KCNJ3: variants seen among roughly 807,000 people sequenced by gnomAD.
KCNJ3 encodes the protein G protein-activated inward rectifier potassium channel 1.
A neutral mutation model predicts 39.2 loss-of-function variants in KCNJ3; 4 were observed. That is an observed-to-expected ratio of 0.10 (90% CI 0.05 to 0.23). KCNJ3 has a LOEUF of 0.23. Among genes scored for constraint, KCNJ3 ranks in the 10% least tolerant of loss-of-function variants. The pLI is 1.00. For synonymous variants in KCNJ3, 230 were observed against 237.4 expected (o/e 0.97, Z 0.29); for missense variants, 276 against 634.9 (o/e 0.43, Z 6.08).
chr2:154,853,546 G>A (rs1012739336), intron 2 of KCNJ3, among the ~76,000 whole-genome samples: 3 of 151,812 alleles, frequency 2.0e-5, no homozygotes, highest in African/African-American at 7.3e-5. Flanking sequence ...TTGAGGGGAT[G>A]GTTTTTAAAA....
intron 2 of KCNJ3, among the ~76,000 whole-genome samples, chr2:154,836,838 T>C (rs1041622380): frequency 6.6e-6 from 1 of 152,182 alleles, no homozygotes; most frequent in Non-Finnish European, 1.5e-5. Context: ...GTTTTAAGCC[T>C]GCAAGCAAAC....
intron 2 of KCNJ3, among the ~76,000 whole-genome samples, chr2:154,754,045 A>G (rs1449040307): frequency 6.6e-6 from 1 of 152,116 alleles, no homozygotes; most frequent in African/African-American, 2.4e-5. Flanking sequence ...CTATTTTTTA[A>G]TAACCTTTTT....
At chr2:154,808,216 G>A (rs1686948085) in intron 2 of KCNJ3, among the ~76,000 whole-genome samples, 1 of 151,760 alleles carries the variant, frequency 6.6e-6, no homozygotes, top group Admixed American at 6.6e-5. Flanking sequence ...TAAGTAGCTG[G>A]GACTACAGGC....
rs747257257 is a variant in KCNJ3 at position 154,699,369 on chromosome 2, G to A, written c.594G>A (p.Glu198=). The A allele has an allele frequency of 6.2e-7, 1 of 1,611,950 alleles. No individual in the cohort carries two copies. Among genetic ancestry groups the A allele is most frequent in the Non-Finnish European group, 8.5e-7 (1 of 1,180,018 alleles). Residue 198 remains glutamate, a synonymous_variant, in exon 1 of 3, where the codon GAG becomes GAA. Transcript: ENST00000295101. This position sits in a 1 kb window ranked among gnomAD's most constrained non-coding sequence, Gnocchi z 6.4. The part of the protein sequence containing the change: ...KKRAETLMFS[E]HAVISMRDGK... ...GCGCCGAGACCCTCATGTTCAGCGA[G>A]CACGCGGTGATCTCCATGAGGGACG...
At chr2:154,744,293 G>C (rs1443790178) in intron 2 of KCNJ3, among the ~76,000 whole-genome samples, 1 of 151,642 alleles carries the variant, frequency 6.6e-6, no homozygotes, top group East Asian at 1.9e-4. Context: ...ATATTGAGGT[G>C]TGGTTTTCTT....
At chr2:154,849,318 TTTTTGTTTTG>T (rs564869541) in intron 2 of KCNJ3, among the ~76,000 whole-genome samples, 479 of 152,204 alleles carry the variant, frequency 3.1e-3, no homozygotes, top group Admixed American at 5.2e-3. Context: ...GCTCTTCTGT[TTTTTGTTTTG>T]TTTTGTTTTG....
At chr2:154,802,662 A>G (rs1686840062) in intron 2 of KCNJ3, among the ~76,000 whole-genome samples, 1 of 152,156 alleles carries the variant, frequency 6.6e-6, no homozygotes, top group African/African-American at 2.4e-5. Context: ...CATATACATA[A>G]TAACTCATGG....
intron 2 of KCNJ3, among the ~76,000 whole-genome samples, chr2:154,843,610 A>G (rs552260454): frequency 6.6e-6 from 1 of 151,998 alleles, no homozygotes; most frequent in Non-Finnish European, 1.5e-5. Flanking sequence ...ACATAATCCC[A>G]TATTTCTTGG....
intron 2 of KCNJ3, among the ~76,000 whole-genome samples, chr2:154,807,370 T>C (rs1226402299): frequency 6.6e-6 from 1 of 152,136 alleles, no homozygotes; most frequent in Non-Finnish European, 1.5e-5. Flanking sequence ...GGGAAAATGT[T>C]AATTACAATA....
At chr2:154,829,458 C>T (rs959089904) in intron 2 of KCNJ3, among the ~76,000 whole-genome samples, 1 of 152,090 alleles carries the variant, frequency 6.6e-6, no homozygotes, top group African/African-American at 2.4e-5. Flanking sequence ...AAGAACACGA[C>T]CTTGTTCTTT....
intron 2 of KCNJ3, among the ~76,000 whole-genome samples, chr2:154,849,528 G>A (rs1687719824): frequency 6.6e-6 from 1 of 151,660 alleles, no homozygotes; most frequent in Admixed American, 6.6e-5. Context: ...ATCTATATTG[G>A]GTAAGGTTTA....
chr2:154,718,151 A>G (rs922609109), intron 2 of KCNJ3, among the ~76,000 whole-genome samples: 3 of 152,264 alleles, frequency 2.0e-5, no homozygotes, highest in Middle Eastern at 3.4e-3. Flanking sequence ...GGACATCTCA[A>G]AGTAGGTTCT....
intron 1 of KCNJ3, 79 bp from the exon 2 acceptor site, chr2:154,709,524 G>C: frequency 1.5e-6 from 2 of 1,376,812 alleles, no homozygotes; most frequent in Non-Finnish European, 2.0e-6. Flanking sequence ...TGTTGGCAAT[G>C]ATGTAAATTA....
At chr2:154,721,125 A>G (rs1477712151) in intron 2 of KCNJ3, among the ~76,000 whole-genome samples, 1 of 151,798 alleles carries the variant, frequency 6.6e-6, no homozygotes, top group Non-Finnish European at 1.5e-5. Flanking sequence ...TTAAACTCAT[A>G]TGATTTATTC....
chr2:154,709,579 C>T, intron 1 of KCNJ3, 24 bp from the exon 2 acceptor site: 1 of 1,603,744 alleles, frequency 6.2e-7, no homozygotes, highest in Non-Finnish European at 8.5e-7. Flanking sequence ...GTGATTTCTT[C>T]TCTTTTTCTG....
At chr2:154,735,102 T>TGTGTGTGTGTGTGTGTGTGTGTGTGTGTG (rs746877275) in intron 2 of KCNJ3, among the ~76,000 whole-genome samples, 3 of 151,774 alleles carry the variant, frequency 2.0e-5, no homozygotes, top group African/African-American at 7.3e-5. Flanking sequence ...TGTGTGTGTG[T>TGTGTGTGTGTGTGTGTGTGTGTGTGTGTG]TTGAGACGGA....
rs370581540 is a variant in KCNJ3 at position 154,698,815 on chromosome 2, G to A, written c.40G>A (p.Val14Ile). The A allele has an allele frequency of 3.7e-5, 60 of 1,613,946 alleles. No individual in the cohort carries two copies. The highest frequency in any genetic ancestry group is 1.6e-4 in the Middle Eastern group (1 of 6,082). The stretch of plus-strand genomic sequence containing the variant: ...AAGGAAATTTGGGGACGATTATCAG[G>A]TAGTGACCACATCGTCCAGCGGCTC... ...LRRKFGDDYQ[V>I]VTTSSSGSGL... Residue 14 changes from valine to isoleucine, a missense_variant, in exon 1 of 3, where the codon GTA (valine) becomes ATA (isoleucine). Val to Ile is a conservative substitution (Grantham distance 29). Coordinates refer to ENST00000295101, the MANE Select transcript of KCNJ3 (RefSeq NM_002239.4).
At chr2:154,848,108 A>G (rs1040526198) in intron 2 of KCNJ3, among the ~76,000 whole-genome samples, 6 of 152,202 alleles carry the variant, frequency 3.9e-5, no homozygotes, top group Admixed American at 1.3e-4. Flanking sequence ...ACACATATAC[A>G]TATACCACCT....
At chr2:154,849,407 C>T (rs1331916660) in intron 2 of KCNJ3, among the ~76,000 whole-genome samples, 7 of 152,048 alleles carry the variant, frequency 4.6e-5, no homozygotes, top group East Asian at 1.9e-4. Flanking sequence ...TACAGGAGAA[C>T]GCTCTTTTGC....
Sources: allele counts gnomAD v4.1 joint callset (sites outside exome capture counted in the v4.1 genomes callset), GRCh38; gene constraint gnomAD v4.1.1; non-coding constraint Gnocchi (gnomAD v3.1); transcripts MANE v1.5; gene names NCBI Gene and HGNC (gene_info 2026-07-23, HGNC 2026-07-21).